PRKCA: variants seen among roughly 807,000 people sequenced by gnomAD.
PRKCA encodes the protein protein kinase C alpha, also known as protein kinase C alpha type.
PRKCA carries 27 observed loss-of-function variants against 87.0 expected under a neutral mutation model. That is an observed-to-expected ratio of 0.31 (90% confidence interval 0.23 to 0.43). The LOEUF is 0.43. Among genes scored for constraint, PRKCA ranks in the 20% least tolerant of loss-of-function variants. The probability of loss-of-function intolerance (pLI) is 1.00; values close to 1 mark genes in which losing one functional copy is unlikely to be tolerated. For missense variants in PRKCA, 518 were observed against 852.3 expected (o/e 0.61, Z 4.88); for synonymous variants, 329 against 311.1 (o/e 1.06, Z -0.61).
chr17:66,765,376 G>C (rs552308846), intron 13 of PRKCA, among the ~76,000 whole-genome samples: 2 of 139,186 alleles, frequency 1.4e-5, no homozygotes, highest in South Asian at 4.6e-4. Context: ...TCGTGTCATC[G>C]TGTCACTGCA....
rs1206807458 is a variant in PRKCA, at chr17:66,377,717, ATATATTTT to A, written c.205+71592_205+71599del. 1.2e-3 allele frequency among the ~76,000 whole-genome samples: 65 copies of A among 53,546 alleles called. 1 individual carries two copies. Among genetic ancestry groups the A allele is most frequent in the African/African-American group, 3.7e-3 (62 of 16,810 alleles). The allele number at this position is 53,546 out of a possible 152,430, so 35.1% of individuals were successfully genotyped here. On this transcript the variant is annotated intron_variant, in intron 2 of 16. Transcript: ENST00000413366. ...GTCTATGTTTTATATATATATATATATATATTTTTTTTTTTTTTTTTTTTTGAGGCAGG... is the reference window on the plus strand; with the variant it reads ...GTCTATGTTTTATATATATATATATATTTTTTTTTTTTTTTTTGAGGCAGG...
chr17:66,659,587 A>G (rs1404315593), intron 5 of PRKCA, among the ~76,000 whole-genome samples: 5 of 152,186 alleles, frequency 3.3e-5, no homozygotes, highest in Non-Finnish European at 7.3e-5. Context: ...AAAATTAAAA[A>G]TAAAAATTAG....
intron 3 of PRKCA, among the ~76,000 whole-genome samples, chr17:66,514,234 T>C (rs1222926630): frequency 6.6e-6 from 1 of 152,198 alleles, no homozygotes; most frequent in Non-Finnish European, 1.5e-5. Context: ...CTGGGGTTTC[T>C]TGGGATGTAG....
chr17:66,506,223 G>A (rs1343103875), intron 3 of PRKCA, among the ~76,000 whole-genome samples: 1 of 152,016 alleles, frequency 6.6e-6, no homozygotes, highest in African/African-American at 2.4e-5. Context: ...TCAAACCCTG[G>A]AGGCGGAGGT....
intron 13 of PRKCA, among the ~76,000 whole-genome samples, chr17:66,756,356 G>A (rs894747502): frequency 6.6e-6 from 1 of 151,962 alleles, no homozygotes; most frequent in African/African-American, 2.4e-5. Context: ...AGGAGAGGGG[G>A]GAGACCAAGA....
At chr17:66,590,500 G>A (rs907439730) in intron 3 of PRKCA, among the ~76,000 whole-genome samples, 3 of 152,140 alleles carry the variant, frequency 2.0e-5, no homozygotes, top group Admixed American at 6.5e-5. Context: ...TCCCAATGCC[G>A]TCCTCAGAGC....
intron 3 of PRKCA, among the ~76,000 whole-genome samples, chr17:66,584,953 G>A (rs1381474261): frequency 6.6e-6 from 1 of 152,104 alleles, no homozygotes; most frequent in Admixed American, 6.5e-5. Flanking sequence ...CACAAGGAGT[G>A]AGTTTAAGAG....
rs957543335 is a variant in PRKCA at position 66,322,895 on chromosome 17, A to G, written c.205+16768A>G. On this transcript the variant is annotated intron_variant, in intron 2 of 16. Coordinates refer to ENST00000413366, the MANE Select transcript of PRKCA (RefSeq NM_002737.3). Reference sequence around the variant, plus strand: ...GCATAGTTTAATGAATTATATGTCAACATTCCTGTAACCACTGCCCAAGGC... The same window carrying G: ...GCATAGTTTAATGAATTATATGTCAGCATTCCTGTAACCACTGCCCAAGGC... Among the ~76,000 whole-genome samples, 4 of 152,200 alleles carry G rather than the reference A, an allele frequency of 2.6e-5. No individual in the cohort carries two copies. In the East Asian group the frequency reaches 7.7e-4, roughly 29 times the overall value.
At chr17:66,793,602 A>C (rs940986547) in intron 16 of PRKCA, among the ~76,000 whole-genome samples, 10 of 151,310 alleles carry the variant, frequency 6.6e-5, no homozygotes, top group Non-Finnish European at 1.3e-4. Flanking sequence ...AAAAAAAAAA[A>C]AAAAAAAAAA....
Position 66,745,403 on chromosome 17 carries a change from G to C in PRKCA, c.1524+2643G>C, listed in dbSNP as rs537698185. On this transcript the variant is annotated intron_variant, in intron 13 of 16. Transcript: ENST00000413366. ...GCACATGATAAACTTTCTCTTGGCTGGGCACAGTGGCTCACTCCTACAATC... is the reference window on the plus strand; with the variant it reads ...GCACATGATAAACTTTCTCTTGGCTCGGCACAGTGGCTCACTCCTACAATC... Among the ~76,000 whole-genome samples the C allele has an allele frequency of 4.6e-5, 7 of 152,262 alleles. No individual in the cohort carries two copies. The East Asian group carries it at 1.4e-3, about 29-fold the overall frequency.
intron 3 of PRKCA, among the ~76,000 whole-genome samples, chr17:66,526,079 G>A (rs1385556193): frequency 6.6e-6 from 1 of 152,148 alleles, no homozygotes; most frequent in Non-Finnish European, 1.5e-5. Flanking sequence ...TATGCTAACT[G>A]TATATTGCTC....
intron 8 of PRKCA, among the ~76,000 whole-genome samples, chr17:66,711,943 A>G (rs1417655021): frequency 6.6e-6 from 1 of 152,180 alleles, no homozygotes; most frequent in Non-Finnish European, 1.5e-5. Context: ...GAGGTTTCCT[A>G]AGTCTTGCAG....
intron 2 of PRKCA, among the ~76,000 whole-genome samples, chr17:66,440,981 G>A (rs1003627607): frequency 6.6e-6 from 1 of 151,774 alleles, no homozygotes; most frequent in Non-Finnish European, 1.5e-5. Context: ...TGGCAACATG[G>A]TGAACCCTGT....
chr17:66,783,346 G>C (rs766973397), intron 14 of PRKCA, among the ~76,000 whole-genome samples: 1 of 152,224 alleles, frequency 6.6e-6, no homozygotes, highest in Non-Finnish European at 1.5e-5. Flanking sequence ...TTGCCAGAGA[G>C]GGGTAGAGGA....
intron 2 of PRKCA, among the ~76,000 whole-genome samples, chr17:66,367,370 A>G (rs1373005478): frequency 6.6e-6 from 1 of 152,248 alleles, no homozygotes; most frequent in African/African-American, 2.4e-5. Context: ...CTGGGAGGAC[A>G]GGTGAAAAAT....
chr17:66,479,803 A>G (rs1257597558), intron 2 of PRKCA, among the ~76,000 whole-genome samples: 2 of 152,282 alleles, frequency 1.3e-5, no homozygotes, highest in East Asian at 1.9e-4. Flanking sequence ...CAGCTAAACA[A>G]TGAGAACACA....
At chr17:66,321,547 T>G (rs760978370) in intron 2 of PRKCA, among the ~76,000 whole-genome samples, 30 of 152,318 alleles carry the variant, frequency 2.0e-4, no homozygotes, top group Admixed American at 4.6e-4. Flanking sequence ...TTTAGCTCAC[T>G]TTTTAAAAAT....
At chr17:66,733,823 G>A (rs1239435549) in intron 9 of PRKCA, among the ~76,000 whole-genome samples, 1 of 152,168 alleles carries the variant, frequency 6.6e-6, no homozygotes, top group Non-Finnish European at 1.5e-5. Context: ...AAAGGTGGAA[G>A]TTGGCTCTTT....
intron 3 of PRKCA, among the ~76,000 whole-genome samples, chr17:66,617,410 G>T (rs540673641): frequency 6.6e-6 from 1 of 152,104 alleles, no homozygotes; most frequent in Admixed American, 6.5e-5. Flanking sequence ...TACCAGCTTC[G>T]TGGATATCAA....
Sources: gnomAD v4.1 joint callset for allele counts (sites outside exome capture counted in the v4.1 genomes callset) on GRCh38, gnomAD v4.1.1 for gene constraint, MANE v1.5 for transcripts, NCBI Gene and HGNC (gene_info 2026-07-23, HGNC 2026-07-21) for gene names.